The following KIAA1549L variants were observed in gnomAD, a reference collection of about 807,000 sequenced individuals.
KIAA1549L encodes the protein UPF0606 protein KIAA1549L.
KIAA1549L carries 88 observed loss-of-function variants against 160.7 expected under a neutral mutation model. The ratio of observed to expected loss-of-function variants is 0.55; its 90% confidence interval spans 0.46 to 0.65. The LOEUF (loss-of-function observed/expected upper bound fraction) is 0.65. KIAA1549L is among the 30% of genes least tolerant of loss of function. The pLI is 0.00. For missense variants in KIAA1549L, 2,258 were observed against 2,437.5 expected (o/e 0.93, Z 1.55); for synonymous variants, 950 against 976.7 (o/e 0.97, Z 0.51).
chr11:33,668,337 T>G lies in KIAA1549L; in HGVS notation c.*183T>G, dbSNP rs1374377977. On this transcript the variant is annotated 3_prime_UTR_variant, in exon 21 of 21. Transcript: ENST00000658780. ...ACTCTTGAACGACTAGATTCTTGGCTCATCCAACTGATTGTGGGTCAAGTC... is the reference window on the plus strand; with the variant it reads ...ACTCTTGAACGACTAGATTCTTGGCGCATCCAACTGATTGTGGGTCAAGTC... The G allele has an allele frequency of 1.6e-6, 1 of 626,610 alleles. No homozygotes were observed. Among genetic ancestry groups the G allele is most frequent in the Non-Finnish European group, 2.8e-6 (1 of 363,448 alleles). 38.8% of individuals were successfully genotyped at this position (626,610 alleles called of 1,614,324 possible). A position where few individuals can be genotyped will look rare whatever the true frequency, so the allele number is the denominator to read the frequency against.
intron 10 of KIAA1549L, among the ~76,000 whole-genome samples, chr11:33,582,198 A>G (rs1029599117): frequency 6.6e-6 from 1 of 152,236 alleles, no homozygotes; most frequent in African/African-American, 2.4e-5. Context: ...ATTGATAAAA[A>G]CTGTGGAGAA....
intron 1 of KIAA1549L, among the ~76,000 whole-genome samples, chr11:33,434,805 C>T (rs115318965): frequency 6.6e-6 from 1 of 152,332 alleles, no homozygotes; most frequent in African/African-American, 2.4e-5. Flanking sequence ...TCTTGACTGG[C>T]ACCATGCCAC....
rs561225036 is a variant in KIAA1549L at position 33,583,390 on chromosome 11, G to A, written c.4455G>A (p.Ala1485=). 20 of 1,605,174 alleles carry A rather than the reference G, an allele frequency of 1.2e-5. No homozygotes were observed. The highest frequency in any genetic ancestry group is 4.0e-5 in the African/African-American group (3 of 74,924). The change falls in exon 11 of 21, where the codon GCG becomes GCA. Residue 1485 remains alanine (A), a synonymous_variant. Transcript: ENST00000658780. The part of the protein sequence containing the change: ...NNLWIIAAVL[A]PIAVVTVIII... ...TGTGGATCATCGCTGCAGTGCTGGC[G>A]CCCATTGCCGTGGTCACGGTCATCA...
chr11:33,432,257 C>T (rs936269108), intron 1 of KIAA1549L, among the ~76,000 whole-genome samples: 1 of 152,190 alleles, frequency 6.6e-6, no homozygotes, highest in African/African-American at 2.4e-5. Context: ...GCAGAGGAGG[C>T]GCCGAGAGCA....
Position 33,551,027 on chromosome 11 carries a change from A to G in KIAA1549L, c.3502-13A>G. On this transcript the variant is annotated splice_polypyrimidine_tract_variant and intron_variant, in intron 4 of 20. Coordinates refer to ENST00000658780, the MANE Select transcript of KIAA1549L (RefSeq NM_012194.3). ...AATAAACAATGGGTTTTGTGGGTCCATTTGTTTTGTAGGTGGACATTCTGG... is the reference window on the plus strand; with the variant it reads ...AATAAACAATGGGTTTTGTGGGTCCGTTTGTTTTGTAGGTGGACATTCTGG... 6.2e-7 allele frequency: 1 copy of G among 1,607,038 alleles called. No individual in the cohort carries two copies. The highest frequency in any genetic ancestry group is 2.2e-5 in the East Asian group (1 of 44,848).
intron 15 of KIAA1549L, among the ~76,000 whole-genome samples, chr11:33,616,762 T>C (rs1190169355): frequency 6.6e-6 from 1 of 152,120 alleles, no homozygotes; most frequent in African/African-American, 2.4e-5. Context: ...TTCTGGGGCT[T>C]CCCACATAGT....
chr11:33,616,806 C>T (rs1405012470), intron 15 of KIAA1549L, among the ~76,000 whole-genome samples: 1 of 152,150 alleles, frequency 6.6e-6, no homozygotes, highest in Non-Finnish European at 1.5e-5. Flanking sequence ...TCTTCACCTT[C>T]AACCCATGAA....
intron 6 of KIAA1549L, among the ~76,000 whole-genome samples, chr11:33,554,479 A>G (rs573247843): frequency 6.6e-6 from 1 of 152,286 alleles, no homozygotes; most frequent in African/African-American, 2.4e-5. Flanking sequence ...CCAGGTGATT[A>G]TTTGATTTCA....
chr11:33,642,165 C>G (rs186647290), intron 16 of KIAA1549L, among the ~76,000 whole-genome samples: 1 of 152,188 alleles, frequency 6.6e-6, no homozygotes, highest in Non-Finnish European at 1.5e-5. Flanking sequence ...ACATAAATGT[C>G]AGACCATAGT....
At chr11:33,588,386 C>T (rs1385276288) in intron 11 of KIAA1549L, among the ~76,000 whole-genome samples, 1 of 152,148 alleles carries the variant, frequency 6.6e-6, no homozygotes, top group Non-Finnish European at 1.5e-5. Flanking sequence ...GCTTTGAATG[C>T]CTTGCCAAAG....
chr11:33,613,579 A>T (rs1215069520), intron 15 of KIAA1549L, among the ~76,000 whole-genome samples: 1 of 152,124 alleles, frequency 6.6e-6, no homozygotes, highest in Non-Finnish European at 1.5e-5. Flanking sequence ...TACACTCTTA[A>T]ACAACCAGAT....
At chr11:33,411,299 C>T (rs1850780089) in intron 1 of KIAA1549L, among the ~76,000 whole-genome samples, 1 of 152,066 alleles carries the variant, frequency 6.6e-6, no homozygotes, top group South Asian at 2.1e-4. Context: ...GATTGTTGTT[C>T]TCAATCCTGG....
chr11:33,606,445 G>A (rs926224509), intron 13 of KIAA1549L, among the ~76,000 whole-genome samples, 196 bp from the exon 14 acceptor site: 1 of 152,116 alleles, frequency 6.6e-6, no homozygotes, highest in African/African-American at 2.4e-5. Context: ...GGCAATGGAG[G>A]GATAAATCAT....
intron 1 of KIAA1549L, among the ~76,000 whole-genome samples, chr11:33,393,567 A>G (rs1484305501): frequency 6.6e-6 from 1 of 152,236 alleles, no homozygotes; most frequent in East Asian, 1.9e-4. Flanking sequence ...AGAAACAATG[A>G]GCTAAGTACC....
chr11:33,427,192 G>C (rs1355780075), intron 1 of KIAA1549L, among the ~76,000 whole-genome samples: 1 of 152,032 alleles, frequency 6.6e-6, no homozygotes, highest in Non-Finnish European at 1.5e-5. Flanking sequence ...ATTCTCTAGG[G>C]TGACTGCTTC....
At chr11:33,564,470 G>A (rs1413335403) in intron 8 of KIAA1549L, among the ~76,000 whole-genome samples, 1 of 152,244 alleles carries the variant, frequency 6.6e-6, no homozygotes, top group African/African-American at 2.4e-5. Flanking sequence ...GTCCCTTCTT[G>A]ATGGAAAATC....
chr11:33,462,714 T>C (rs1339172890), intron 1 of KIAA1549L, among the ~76,000 whole-genome samples: 1 of 152,212 alleles, frequency 6.6e-6, no homozygotes, highest in Admixed American at 6.5e-5. Context: ...TGTTTTCCAG[T>C]TTCCTTACAT....
intron 13 of KIAA1549L, among the ~76,000 whole-genome samples, chr11:33,602,822 T>G (rs1386397941): frequency 2.6e-5 from 4 of 152,252 alleles, no homozygotes; most frequent in Non-Finnish European, 5.9e-5. Context: ...TAAAGTCTTT[T>G]TTAGGGGAAG....
chr11:33,430,007 C>CT (rs1172032384), intron 1 of KIAA1549L, among the ~76,000 whole-genome samples: 10 of 144,126 alleles, frequency 6.9e-5, no homozygotes, highest in Non-Finnish European at 1.4e-4. Flanking sequence ...CTGCTCTGCC[C>CT]TCCCTTCCTT....
Sources: allele counts gnomAD v4.1 joint callset (sites outside exome capture counted in the v4.1 genomes callset), GRCh38; gene constraint gnomAD v4.1.1; transcripts MANE v1.5; gene names NCBI Gene and HGNC (gene_info 2026-07-23, HGNC 2026-07-21).